The following DCTN5 variants were observed in gnomAD, a reference collection of about 807,000 sequenced individuals.
The protein encoded by DCTN5 is dynactin 4.
DCTN5 carries 14 observed loss-of-function variants against 23.5 expected under a neutral mutation model. That is an observed-to-expected ratio of 0.60 (90% CI 0.39 to 0.93). DCTN5 has a LOEUF of 0.93. Among genes scored for constraint, DCTN5 ranks in the 40% least tolerant of loss-of-function variants. DCTN5 has a pLI of 0.00. For synonymous variants in DCTN5, 67 were observed against 79.6 expected (o/e 0.84, Z 0.84); for missense variants, 156 against 225.9 (o/e 0.69, Z 1.98).
chr16:23,658,486 A>T (rs199939997), intron 2 of DCTN5, 21 bp from the exon 3 acceptor site: 146 of 1,576,872 alleles, frequency 9.3e-5, no homozygotes, highest in Middle Eastern at 1.7e-4. Flanking sequence ...CTAATTTTTT[A>T]AAATTTGCTT....
At chr16:23,658,391 A>G in intron 2 of DCTN5, 116 bp from the exon 3 acceptor site, 1 of 739,892 alleles carries the variant, frequency 1.4e-6, no homozygotes, top group Non-Finnish European at 2.3e-6. Flanking sequence ...AACATTTGAA[A>G]CATTCTGTCA....
chr16:23,660,265 A>G (rs1967786744), intron 3 of DCTN5, among the ~76,000 whole-genome samples: 1 of 152,230 alleles, frequency 6.6e-6, no homozygotes, highest in South Asian at 2.1e-4. Flanking sequence ...AATATTCTGG[A>G]CAGAATAGAA....
At chr16:23,662,051 TAA>T (rs113915766) in intron 4 of DCTN5, among the ~76,000 whole-genome samples, 3 of 137,908 alleles carry the variant, frequency 2.2e-5, no homozygotes, top group Admixed American at 7.3e-5. Context: ...CCCTTTCTCT[TAA>T]AAAAAAAAAA....
At position 23,675,942 on chromosome 16, in the gene DCTN5, G is replaced by A. The variant is rs1225805010; in HGVS notation, c.*8798G>A. ...CTCTGGGAACTTTTCAGATGGGACT[G>A]GAAACACTTGGGCAGGAGTTCCCCT... On this transcript the variant is annotated 3_prime_UTR_variant, in exon 6 of 6. Transcript: ENST00000300087. 2 of 152,204 alleles carry A rather than the reference G, an allele frequency of 1.3e-5. No individual in the cohort carries two copies. Among genetic ancestry groups the A allele is most frequent in the Non-Finnish European group, 2.9e-5 (2 of 68,044 alleles). 9.4% of individuals were successfully genotyped at this position (152,204 alleles called of 1,614,324 possible). A position where few individuals can be genotyped will look rare whatever the true frequency, so the allele number is the denominator to read the frequency against.
chr16:23,647,899 A>G (rs1789517664), intron 2 of DCTN5, among the ~76,000 whole-genome samples: 1 of 152,222 alleles, frequency 6.6e-6, no homozygotes, highest in Admixed American at 6.5e-5. Flanking sequence ...ATAAAATTAA[A>G]TCAACACCAG....
chr16:23,652,504 T>G (rs2140978637), intron 2 of DCTN5, among the ~76,000 whole-genome samples: 1 of 152,394 alleles, frequency 6.6e-6, no homozygotes, highest in Non-Finnish European at 1.5e-5. Context: ...TCATCTTTAT[T>G]GAGGTATAAT....
chr16:23,658,382 A>T, intron 2 of DCTN5, 125 bp from the exon 3 acceptor site: 1 of 707,006 alleles, frequency 1.4e-6, no homozygotes, highest in South Asian at 1.7e-5. Context: ...TTTTGGCGGA[A>T]CATTTGAAAC....
intron 5 of DCTN5, chr16:23,666,769 T>G: frequency 4.1e-6 from 2 of 489,300 alleles, no homozygotes; most frequent in Non-Finnish European, 7.2e-6. Context: ...ATCACTCAGA[T>G]TCTTCGGGGA....
chr16:23,645,125 A>AT (rs1967420174), intron 2 of DCTN5, among the ~76,000 whole-genome samples: 1 of 31,790 alleles, frequency 3.1e-5, no homozygotes, highest in African/African-American at 1.8e-4. Context: ...ATATATATAT[A>AT]TATATATATA....
chr16:23,645,132 TATA>T (rs1361534777), intron 2 of DCTN5, among the ~76,000 whole-genome samples: 121 of 36,740 alleles, frequency 3.3e-3, no homozygotes, highest in Non-Finnish European at 4.4e-3. Flanking sequence ...TATATATATA[TATA>T]TATTTTTTTT....
intron 1 of DCTN5, among the ~76,000 whole-genome samples, chr16:23,642,062 G>A (rs1330724801): frequency 1.1e-4 from 16 of 152,104 alleles, no homozygotes; most frequent in Admixed American, 5.9e-4. Flanking sequence ...GTCTCGAGTA[G>A]CTGGGATTAC....
intron 2 of DCTN5, among the ~76,000 whole-genome samples, chr16:23,656,690 T>C (rs1393152439): frequency 3.3e-5 from 5 of 152,068 alleles, no homozygotes; most frequent in African/African-American, 1.2e-4. Context: ...TTTCTATATG[T>C]ACAGTTATTG....
chr16:23,657,811 C>G (rs1967736888), intron 2 of DCTN5, among the ~76,000 whole-genome samples: 1 of 152,202 alleles, frequency 6.6e-6, no homozygotes, highest in African/African-American at 2.4e-5. Context: ...GTCTAAGTTT[C>G]TGTGCTTAGC....
chr16:23,645,112 TATATATATATATATA>T lies in DCTN5; in HGVS notation c.117+2090_117+2104del, dbSNP rs1967412524. ...ATATATATATATATATATATATATA[TATATATATATATATA>T]TATATATATATTTTTTTTTTTTTTA... On this transcript the variant is annotated intron_variant, in intron 2 of 5. Transcript: ENST00000300087. Among the ~76,000 whole-genome samples the T allele has an allele frequency of 2.8e-4, 11 of 39,834 alleles. 1 individual carries two copies. The highest frequency in any genetic ancestry group is 6.1e-4 in the Admixed American group (2 of 3,254). 26.1% of individuals were successfully genotyped at this position (39,834 alleles called of 152,430 possible).
chr16:23,651,114 A>C, intron 2 of DCTN5: 1 of 1,303,372 alleles, frequency 7.7e-7, no homozygotes, highest in Non-Finnish European at 9.8e-7. Context: ...AATTAAAAGA[A>C]ATAAATAATA....
intron 4 of DCTN5, among the ~76,000 whole-genome samples, chr16:23,664,351 A>G (rs1175879292): frequency 6.6e-6 from 1 of 152,234 alleles, no homozygotes; most frequent in Non-Finnish European, 1.5e-5. Flanking sequence ...TCATTTAGCA[A>G]TCTACCTTTT....
In DCTN5 at chr16:23,673,793, T is replaced by G. The variant is rs983098995; in HGVS notation, c.*6649T>G. On this transcript the variant is annotated 3_prime_UTR_variant, in exon 6 of 6. Coordinates refer to ENST00000300087, the MANE Select transcript of DCTN5 (RefSeq NM_032486.4). ...TGATTATTTTTGCTGTGATTCGTGC[T>G]TACTGGAGCCTCGGGAAAGAGGGAG... 1 of 152,256 alleles carries G rather than the reference T, an allele frequency of 6.6e-6. No homozygotes were observed. The highest frequency in any genetic ancestry group is 2.4e-5 in the African/African-American group (1 of 41,464). 9.4% of individuals were successfully genotyped at this position (152,256 alleles called of 1,614,324 possible).
chr16:23,645,119 A>G (rs1205549037), intron 2 of DCTN5, among the ~76,000 whole-genome samples: 3 of 35,112 alleles, frequency 8.5e-5, no homozygotes, highest in Non-Finnish European at 1.6e-4. Flanking sequence ...ATATATATAT[A>G]TATATATATA....
At chr16:23,660,675 CTT>C (rs981357190) in intron 3 of DCTN5, among the ~76,000 whole-genome samples, 2 of 152,202 alleles carry the variant, frequency 1.3e-5, no homozygotes, top group Admixed American at 6.5e-5. Flanking sequence ...TGTTCTCTCT[CTT>C]TTGTCATTAT....
Sources: gnomAD v4.1 joint callset for allele counts (sites outside exome capture counted in the v4.1 genomes callset) on GRCh38, gnomAD v4.1.1 for gene constraint, MANE v1.5 for transcripts, NCBI Gene and HGNC (gene_info 2026-07-23, HGNC 2026-07-21) for gene names.